POP4: variants seen among roughly 807,000 people sequenced by gnomAD.
POP4 encodes POP4 ribonuclease P/MRP subunit, also known as ribonuclease P protein subunit p29.
Under a neutral mutation model 29.9 loss-of-function variants are expected in POP4, and 31 were observed. The ratio of observed to expected loss-of-function variants is 1.04; its 90% confidence interval spans 0.78 to 1.40. POP4 has a LOEUF of 1.40. POP4 is among the 40% of genes most tolerant of loss of function. The pLI is 0.00. For synonymous variants in POP4, 110 were observed against 108.2 expected, an observed-to-expected ratio of 1.02 and a Z score of -0.10; for missense variants, 286 against 282.7, an observed-to-expected ratio of 1.01 and a Z score of -0.08.
At chr19:29,606,349 G>A (rs1357259952) in intron 1 of POP4, 24 bp downstream of exon 1, 11 of 1,603,618 alleles carry the variant, frequency 6.9e-6, no homozygotes, top group Non-Finnish European at 9.4e-6. Flanking sequence ...CGAAGTTGGA[G>A]AGGGTTGGGG....
At chr19:29,608,423 TC>T (rs2145555144) in intron 1 of POP4, among the ~76,000 whole-genome samples, 2 of 152,062 alleles carry the variant, frequency 1.3e-5, no homozygotes, top group South Asian at 4.1e-4. Flanking sequence ...CAAGCCACCA[TC>T]CCCGGCTAAT....
chr19:29,612,801 G>A (rs554602775), intron 5 of POP4, among the ~76,000 whole-genome samples: 1 of 152,114 alleles, frequency 6.6e-6, no homozygotes, highest in Non-Finnish European at 1.5e-5. Context: ...CGAATCCTTC[G>A]GAACATCCTA....
At position 29,610,405 on chromosome 19, in the gene POP4, G is replaced by C; in HGVS notation, c.61-4G>C. On this transcript the variant is annotated splice_region_variant and splice_polypyrimidine_tract_variant and intron_variant, in intron 2 of 6. Coordinates refer to ENST00000585603, the MANE Select transcript of POP4 (RefSeq NM_006627.3). ...GAGCGCCGCACCCCCTTGTCCGCCT[G>C]CAGCCTTCAGGAGCACAGCGGGCCG... 1.3e-6 allele frequency: 2 copies of C among 1,551,796 alleles called. No individual in the cohort carries two copies. The highest frequency in any genetic ancestry group is 1.7e-6 in the Non-Finnish European group (2 of 1,147,830).
At chr19:29,614,003 C>A (rs761894360) in intron 6 of POP4, 31 bp downstream of exon 6, 3 of 1,595,418 alleles carry the variant, frequency 1.9e-6, no homozygotes, top group Admixed American at 1.8e-5. Context: ...GCATTGCTTG[C>A]GGGCTGTGGC....
intron 1 of POP4, among the ~76,000 whole-genome samples, chr19:29,608,262 CTTTTTT>C (rs1164860504): frequency 8.1e-5 from 7 of 86,576 alleles, no homozygotes; most frequent in Non-Finnish European, 1.5e-4. Flanking sequence ...CTTTTCTTTT[CTTTTTT>C]TTTTTTTTTT....
chr19:29,612,961 A>C (rs1971087630), intron 5 of POP4, among the ~76,000 whole-genome samples: 1 of 152,122 alleles, frequency 6.6e-6, no homozygotes. Flanking sequence ...TATGGGAGTA[A>C]ACCTGCCTCC....
chr19:29,615,222 C>CTT, intron 6 of POP4, 22 bp from the exon 7 acceptor site: 4 of 1,440,214 alleles, frequency 2.8e-6, no homozygotes, highest in Admixed American at 2.5e-5. Flanking sequence ...TTTTCTCCTG[C>CTT]CTTTTTTTTT....
chr19:29,606,847 G>GT (rs1451204500), intron 1 of POP4, among the ~76,000 whole-genome samples: 1 of 140,040 alleles, frequency 7.1e-6, no homozygotes, highest in Non-Finnish European at 1.5e-5. Context: ...ATATGATCAA[G>GT]TAGATTGTCT....
intron 5 of POP4, among the ~76,000 whole-genome samples, chr19:29,612,945 C>G (rs539509395): frequency 1.3e-5 from 2 of 152,330 alleles, no homozygotes; most frequent in African/African-American, 4.8e-5. Flanking sequence ...TGGCAGCGTC[C>G]CATCGTATGG....
In POP4 at chr19:29,606,332, G is replaced by C. The variant is rs1380072282; in HGVS notation, c.7+7G>C. The C allele has an allele frequency of 6.2e-7, 1 of 1,606,118 alleles. No homozygotes were observed. Among genetic ancestry groups the C allele is most frequent in the South Asian group, 1.1e-5 (1 of 90,134 alleles). ...AGCGGTCCGAGAATGAAGAGTAAGCGGGGCCGCGAAGTTGGAGAGGGTTGG... is the reference window on the plus strand; with the variant it reads ...AGCGGTCCGAGAATGAAGAGTAAGCCGGGCCGCGAAGTTGGAGAGGGTTGG... On this transcript the variant is annotated splice_region_variant and intron_variant, in intron 1 of 6. Coordinates refer to ENST00000585603, the MANE Select transcript of POP4 (RefSeq NM_006627.3).
At chr19:29,610,906 G>A (rs770383116) in intron 3 of POP4, 105 of 471,012 alleles carry the variant, frequency 2.2e-4, no homozygotes, top group Middle Eastern at 5.9e-4. Context: ...TTTGTCCTTC[G>A]GCTTTGTTAG....
intron 6 of POP4, 82 bp from the exon 7 acceptor site, chr19:29,615,162 T>C (rs1320274367): frequency 5.0e-6 from 7 of 1,405,218 alleles, no homozygotes; most frequent in African/African-American, 1.5e-5. Flanking sequence ...GTGTTCTGAA[T>C]AATATTCTAC....
At chr19:29,608,179 C>T (rs551873793) in intron 1 of POP4, among the ~76,000 whole-genome samples, 2 of 151,924 alleles carry the variant, frequency 1.3e-5, no homozygotes, top group South Asian at 4.2e-4. Flanking sequence ...CTCTTAATAC[C>T]AACCTCATCT....
rs1435632355 is a variant in POP4 at position 29,612,169 on chromosome 19, A to G, written c.415A>G (p.Ile139Val). ...KLLKADLHGA[I>V]ISVTKSKCPS... is the part of the protein sequence containing the mutation. ...CTTAAAGGCAGATCTTCACGGGGCT[A>G]TTATTTCAGGTAATTTACCTAAGAG... The change falls in exon 5 of 7, where the codon ATT becomes GTT. Residue 139 changes from isoleucine (I) to valine (V), a missense_variant. By Grantham distance (29) the Ile-to-Val change is conservative (BLOSUM62 3). Transcript: ENST00000585603. The G allele has an allele frequency of 1.2e-6, 2 of 1,609,308 alleles. No homozygotes were observed. The highest frequency in any genetic ancestry group is 1.7e-5 in the Admixed American group (1 of 58,668).
At chr19:29,611,701 G>A (rs1971071024) in intron 3 of POP4, 161 bp from the exon 4 acceptor site, 1 of 630,388 alleles carries the variant, frequency 1.6e-6, no homozygotes, top group Admixed American at 2.7e-5. Flanking sequence ...TAGGTTCTTG[G>A]TCTCGGTTAT....
At chr19:29,610,308 T>G in intron 2 of POP4, 101 bp from the exon 3 acceptor site, 3 of 1,104,366 alleles carry the variant, frequency 2.7e-6, no homozygotes, top group Non-Finnish European at 3.8e-6. Context: ...TGGGCCCCAT[T>G]TGCTCTTGCA....
At chr19:29,606,543 T>C in intron 1 of POP4, 2 of 514,952 alleles carry the variant, frequency 3.9e-6, no homozygotes, top group Admixed American at 7.8e-5. Context: ...TGGAGGCAGG[T>C]TCTCCCGGAG....
In POP4 at chr19:29,615,239, T is replaced by TG; in HGVS notation, c.527-5_527-4insG. 6.6e-7 allele frequency: 1 copy of TG among 1,526,062 alleles called. No individual in the cohort carries two copies. Among genetic ancestry groups the TG allele is most frequent in the South Asian group, 1.3e-5 (1 of 77,134 alleles). The allele number at this position is 1,526,062 out of a possible 1,614,324, so 94.5% of individuals were successfully genotyped here. ...TTCTCCTGCCTTTTTTTTTTTTTTT[T>TG]TCAGTTATCCCCAAGCTAAACTGCG... On this transcript the variant is annotated splice_polypyrimidine_tract_variant and splice_region_variant and intron_variant, in intron 6 of 6. Coordinates refer to ENST00000585603, the MANE Select transcript of POP4 (RefSeq NM_006627.3).
rs1971118682 is a variant in POP4 at position 29,615,395 on chromosome 19, A to G, written c.*15A>G. On this transcript the variant is annotated 3_prime_UTR_variant, in exon 7 of 7. Transcript: ENST00000585603. ...TTGACCTGTGAATTCTTTGCCGTCT[A>G]AGGCAGTTGTTTATGACAGCTGAAA... 6.2e-7 allele frequency: 1 copy of G among 1,610,656 alleles called. No individual in the cohort carries two copies. The highest frequency in any genetic ancestry group is 8.5e-7 in the Non-Finnish European group (1 of 1,178,246).
Sources: gnomAD v4.1 joint callset for allele counts (sites outside exome capture counted in the v4.1 genomes callset) on GRCh38, gnomAD v4.1.1 for gene constraint, MANE v1.5 for transcripts, NCBI Gene and HGNC (gene_info 2026-07-23, HGNC 2026-07-21) for gene names.